Variants in LEF1 observed in about 807,000 individuals in gnomAD.
The protein encoded by LEF1 is lymphoid enhancer binding factor 1, also known as lymphoid enhancer-binding factor 1.
In LEF1, 14 loss-of-function variants were observed where a neutral mutation model predicts 51.2. That is an observed-to-expected ratio of 0.27 (90% CI 0.18 to 0.43). The LOEUF is 0.43. Ranked by LOEUF, LEF1 falls within the 20% of genes least tolerant of loss-of-function variation. The probability of loss-of-function intolerance (pLI) is 1.00; values close to 1 mark genes in which losing one functional copy is unlikely to be tolerated. For missense variants in LEF1, 386 were observed against 512.0 expected (o/e 0.75, Z 2.37); for synonymous variants, 185 against 183.2 (o/e 1.01, Z -0.08).
At chr4:108,082,148 C>G (rs577875719) in intron 5 of LEF1, among the ~76,000 whole-genome samples, 31 of 152,216 alleles carry the variant, frequency 2.0e-4, no homozygotes, top group African/African-American at 6.7e-4. Flanking sequence ...CCATTTCCCC[C>G]ATATACATGT....
At chr4:108,147,791 AT>A (rs1040078728) in intron 3 of LEF1, among the ~76,000 whole-genome samples, 1 of 152,184 alleles carries the variant, frequency 6.6e-6, no homozygotes, top group African/African-American at 2.4e-5. Context: ...GATGCCAGAA[AT>A]TTTTTTAAAG....
At chr4:108,092,076 A>G (rs1306379095) in intron 3 of LEF1, among the ~76,000 whole-genome samples, 2 of 152,192 alleles carry the variant, frequency 1.3e-5, no homozygotes, top group African/African-American at 4.8e-5. Context: ...TGTCTGACCT[A>G]TCCCTCCAGT....
intron 3 of LEF1, among the ~76,000 whole-genome samples, chr4:108,099,554 GTATGTGTGTGTGTGTGTATATATA>G (rs1314353851): frequency 1.1e-4 from 4 of 37,042 alleles, no homozygotes; most frequent in South Asian, 2.1e-3. Context: ...GTGTGTGTGT[GTATGTGTGTGTGTGTGTATATATA>G]TATATATATA....
chr4:108,136,599 G>T (rs1743282384), intron 3 of LEF1, among the ~76,000 whole-genome samples: 1 of 151,428 alleles, frequency 6.6e-6, no homozygotes, highest in Non-Finnish European at 1.5e-5. Flanking sequence ...GCCTTTCAGG[G>T]GTCTTATAAC....
chr4:108,115,396 C>A (rs1212120803), intron 3 of LEF1, among the ~76,000 whole-genome samples: 5 of 152,114 alleles, frequency 3.3e-5, no homozygotes, highest in Non-Finnish European at 7.4e-5. Context: ...TGCTATGTAA[C>A]CTTGAGAAAA....
At chr4:108,103,869 G>T (rs1740974210) in intron 3 of LEF1, among the ~76,000 whole-genome samples, 1 of 152,128 alleles carries the variant, frequency 6.6e-6, no homozygotes, top group African/African-American at 2.4e-5. Context: ...CAGTTTTGCA[G>T]TTCCTCAAAA....
At chr4:108,134,109 C>T (rs1743083343) in intron 3 of LEF1, among the ~76,000 whole-genome samples, 1 of 149,750 alleles carries the variant, frequency 6.7e-6, no homozygotes, top group Non-Finnish European at 1.5e-5. Flanking sequence ...AGTGGGCTAA[C>T]GAGTATATAT....
intron 4 of LEF1, among the ~76,000 whole-genome samples, chr4:108,086,182 G>A (rs1739634643): frequency 6.6e-6 from 1 of 152,160 alleles, no homozygotes; most frequent in Non-Finnish European, 1.5e-5. Context: ...TCTCAGAAGT[G>A]TGTGTCTCTC....
chr4:108,164,956 G>A, intron 2 of LEF1, 141 bp downstream of exon 2: 1 of 651,282 alleles, frequency 1.5e-6, no homozygotes, highest in South Asian at 2.1e-5. Context: ...TAAGTTTCCT[G>A]CGTTTTCTTT....
chr4:108,095,684 T>C (rs1740332478), intron 3 of LEF1, among the ~76,000 whole-genome samples: 1 of 152,198 alleles, frequency 6.6e-6, no homozygotes, highest in South Asian at 2.1e-4. Context: ...GAAAACCCAC[T>C]ATTCTCCAAG....
intron 3 of LEF1, among the ~76,000 whole-genome samples, chr4:108,108,437 C>A (rs186944012): frequency 7.2e-5 from 11 of 152,162 alleles, no homozygotes; most frequent in Admixed American, 2.0e-4. Context: ...AGAGATGCAG[C>A]GCTAATAATA....
intron 8 of LEF1, among the ~76,000 whole-genome samples, chr4:108,077,424 A>G (rs1319616454): frequency 6.9e-5 from 10 of 145,512 alleles, no homozygotes; most frequent in Non-Finnish European, 9.1e-5. Context: ...CCGTCTGGGA[A>G]GTGAGGGGCA....
At chr4:108,062,034 C>T (rs187552224) in intron 11 of LEF1, among the ~76,000 whole-genome samples, 5 of 152,294 alleles carry the variant, frequency 3.3e-5, no homozygotes, top group Admixed American at 2.6e-4. Context: ...TGAGTCTGAG[C>T]TCCAACTGTG....
At chr4:108,061,827 A>AT (rs552463616) in intron 11 of LEF1, among the ~76,000 whole-genome samples, 1 of 152,198 alleles carries the variant, frequency 6.6e-6, no homozygotes, top group African/African-American at 2.4e-5. Flanking sequence ...TGAGTATATT[A>AT]TTTTTTGATC....
chr4:108,065,565 C>CAGATA (rs1738017906), intron 9 of LEF1, among the ~76,000 whole-genome samples: 1 of 152,170 alleles, frequency 6.6e-6, no homozygotes, highest in Non-Finnish European at 1.5e-5. Flanking sequence ...GATATCTGCT[C>CAGATA]TTTGCCTCAG....
chr4:108,158,006 C>A (rs1191354120), intron 3 of LEF1, among the ~76,000 whole-genome samples: 1 of 152,154 alleles, frequency 6.6e-6, no homozygotes, highest in Non-Finnish European at 1.5e-5. Context: ...CTGCTCAACT[C>A]CCCGCTCTTC....
intron 3 of LEF1, among the ~76,000 whole-genome samples, chr4:108,103,453 C>T (rs1380496666): frequency 6.6e-6 from 1 of 152,166 alleles, no homozygotes; most frequent in African/African-American, 2.4e-5. Context: ...TGTTTTTCAC[C>T]TTCCCCTTAA....
intron 6 of LEF1, among the ~76,000 whole-genome samples, chr4:108,080,784 A>T (rs900101597): frequency 3.3e-5 from 5 of 152,164 alleles, no homozygotes; most frequent in South Asian, 2.1e-4. Flanking sequence ...AACTTTGAAT[A>T]CTATACCCAT....
intron 11 of LEF1, among the ~76,000 whole-genome samples, chr4:108,052,020 G>A (rs924160424): frequency 2.6e-5 from 4 of 152,166 alleles, no homozygotes; most frequent in African/African-American, 4.8e-5. Context: ...AAAGCAGAGC[G>A]CTTGGCCAGC....
Sources: gnomAD v4.1 joint callset for allele counts (sites outside exome capture counted in the v4.1 genomes callset) on GRCh38, gnomAD v4.1.1 for gene constraint, MANE v1.5 for transcripts, NCBI Gene and HGNC (gene_info 2026-07-23, HGNC 2026-07-21) for gene names.